GLB1: variants seen among roughly 807,000 people sequenced by gnomAD.
GLB1 encodes beta-galactosidase.
GLB1 carries 56 observed loss-of-function variants against 74.0 expected under a neutral mutation model. The observed-to-expected ratio is 0.76, with a 90% CI of 0.61 to 0.94. The LOEUF (loss-of-function observed/expected upper bound fraction) is 0.94. Ranked by LOEUF, GLB1 falls within the 40% of genes least tolerant of loss-of-function variation. The pLI, the probability that GLB1 is intolerant of heterozygous loss-of-function variation, is 0.00. For synonymous variants in GLB1, 323 were observed against 323.6 expected (o/e 1.00, Z 0.02); for missense variants, 787 against 845.5 (o/e 0.93, Z 0.86).
chr3:32,979,552 T>C, the GLB1 span, among the ~76,000 whole-genome samples: 1 of 152,058 alleles, frequency 6.6e-6, no homozygotes, highest in Non-Finnish European at 1.5e-5. Flanking sequence ...TAGAATTTTA[T>C]TGTCAAAAAG....
intron 11 of GLB1, among the ~76,000 whole-genome samples, chr3:33,023,415 T>C (rs747786682): frequency 2.3e-4 from 35 of 152,214 alleles, no homozygotes; most frequent in Non-Finnish European, 3.4e-4. Flanking sequence ...GTGGAAAATG[T>C]TATAAGAACT....
chr3:33,034,865 C>T (rs1400731784), intron 10 of GLB1: 1 of 513,292 alleles, frequency 1.9e-6, no homozygotes, highest in African/African-American at 1.9e-5. Flanking sequence ...ATCATCTAAT[C>T]TGCCTTAACA....
intron 1 of GLB1, among the ~76,000 whole-genome samples, chr3:33,079,446 C>T (rs911504798): frequency 1.9e-4 from 29 of 152,130 alleles, no homozygotes; most frequent in African/African-American, 5.6e-4. Context: ...TTGATATCTG[C>T]AACTTATTTT....
intron 15 of GLB1, among the ~76,000 whole-genome samples, chr3:32,998,193 G>A (rs1696394360): frequency 1.3e-5 from 2 of 152,334 alleles, no homozygotes; most frequent in South Asian, 4.1e-4. Flanking sequence ...TGTCTACACA[G>A]CCTCTCTGTA....
intron 4 of GLB1, among the ~76,000 whole-genome samples, chr3:33,067,002 CTTTTTT>C (rs63579460): frequency 7.4e-6 from 1 of 135,474 alleles, no homozygotes; most frequent in Non-Finnish European, 1.6e-5. Flanking sequence ...GTTTTTATTT[CTTTTTT>C]TTTTTTTTTT....
intron 1 of GLB1, chr3:33,092,394 G>C (rs1700801041): frequency 1.0e-6 from 1 of 991,800 alleles, no homozygotes; most frequent in Admixed American, 5.7e-5. Flanking sequence ...GAAAGGCTCT[G>C]GATCAATGAT....
At chr3:33,033,845 A>G (rs1698160094) in intron 10 of GLB1, 3 of 438,408 alleles carry the variant, frequency 6.8e-6, no homozygotes. Flanking sequence ...ACGTCCCTAG[A>G]GCAGTCACGC....
chr3:32,983,394 T>A, the GLB1 span, among the ~76,000 whole-genome samples: 1 of 152,166 alleles, frequency 6.6e-6, no homozygotes, highest in East Asian at 1.9e-4. Context: ...CCCAAACCCA[T>A]ATGTTGTGTT....
Position 33,093,059 on chromosome 3 carries a change from C to A in GLB1, c.75+3952G>T, listed in dbSNP as rs1020413072. ...GGATCAGGTTAATATCTGGCCGAGC[C>A]TGGAGAGCTCTCTTGGCAGCCAGGG... is the stretch of plus-strand genomic sequence containing the variant. On this transcript the variant is annotated intron_variant, in intron 1 of 15. Transcript: ENST00000307363. This position sits in a 1 kb window ranked among gnomAD's most constrained non-coding sequence, Gnocchi z 6.0. 1 of 1,614,084 alleles carries A rather than the reference C, an allele frequency of 6.2e-7. No individual in the cohort carries two copies. Among genetic ancestry groups the A allele is most frequent in the African/African-American group, 1.3e-5 (1 of 74,938 alleles).
intron 12 of GLB1, 69 bp downstream of exon 12, chr3:33,021,497 T>A: frequency 6.5e-7 from 1 of 1,547,242 alleles, no homozygotes. Context: ...GAATGGGCAC[T>A]GCAAGGCAGT....
intron 1 of GLB1, chr3:33,077,551 CA>C: frequency 1.4e-6 from 1 of 697,634 alleles, no homozygotes; most frequent in Non-Finnish European, 2.1e-6. Context: ...ATCACATTCT[CA>C]AATAGAAAAC....
downstream of GLB1, among the ~76,000 whole-genome samples, chr3:32,993,522 A>ATTTTTTT (rs746774682): frequency 1.8e-4 from 11 of 62,286 alleles, no homozygotes; most frequent in South Asian, 8.8e-4. Flanking sequence ...CATCCAGCTA[A>ATTTTTTT]TTTTTTTTTT....
chr3:33,021,022 G>A (rs569387259), intron 12 of GLB1, among the ~76,000 whole-genome samples: 1 of 150,350 alleles, frequency 6.7e-6, no homozygotes, highest in East Asian at 2.0e-4. Flanking sequence ...AAAACAAAAT[G>A]CTGGGAAAAA....
chr3:33,086,551 A>G (rs1407368798), intron 1 of GLB1, among the ~76,000 whole-genome samples: 1 of 152,220 alleles, frequency 6.6e-6, no homozygotes, highest in Non-Finnish European at 1.5e-5. Context: ...CAAGCTGACA[A>G]CACCTGGACC....
chr3:33,082,812 T>G (rs976715675), intron 1 of GLB1, among the ~76,000 whole-genome samples: 2 of 152,172 alleles, frequency 1.3e-5, no homozygotes, highest in Admixed American at 1.3e-4. Flanking sequence ...TGGACTGTCA[T>G]GGTCTGAGAG....
the GLB1 span, among the ~76,000 whole-genome samples, chr3:32,987,639 A>G: frequency 6.6e-6 from 1 of 152,082 alleles, no homozygotes; most frequent in Admixed American, 6.6e-5. Flanking sequence ...CTACTAACTA[A>G]ACCTTTTGAA....
the GLB1 span, among the ~76,000 whole-genome samples, chr3:32,981,133 T>C: frequency 7.9e-6 from 1 of 125,802 alleles, no homozygotes; most frequent in Non-Finnish European, 1.6e-5. Context: ...GGGCCCAGCG[T>C]GGTGGCTCAC....
intron 4 of GLB1, among the ~76,000 whole-genome samples, chr3:33,066,848 C>T (rs1259574361): frequency 1.3e-5 from 2 of 152,064 alleles, no homozygotes; most frequent in East Asian, 3.9e-4. Context: ...CAATAATATG[C>T]TAAGCGTGCA....
chr3:33,076,370 C>T (rs902758891), intron 1 of GLB1, among the ~76,000 whole-genome samples: 2 of 152,160 alleles, frequency 1.3e-5, no homozygotes, highest in Non-Finnish European at 2.9e-5. Context: ...CGAATGAGCC[C>T]TGAAGTCCAG....
Sources: gnomAD v4.1 joint callset for allele counts (sites outside exome capture counted in the v4.1 genomes callset) on GRCh38, gnomAD v4.1.1 for gene constraint, Gnocchi (gnomAD v3.1) non-coding constraint, MANE v1.5 for transcripts, NCBI Gene and HGNC (gene_info 2026-07-23, HGNC 2026-07-21) for gene names.